Variants in FGFR1 observed in about 807,000 individuals in gnomAD.
The protein encoded by FGFR1 is FGFR1/PLAG1 fusion.
FGFR1 carries 18 observed loss-of-function variants against 93.7 expected under a neutral mutation model. The observed-to-expected ratio is 0.19, with a 90% CI of 0.13 to 0.28. The LOEUF is 0.28. Ranked by LOEUF, FGFR1 falls within the 10% of genes least tolerant of loss-of-function variation. The pLI is 1.00. For missense variants in FGFR1, 731 were observed against 1,080.4 expected (o/e 0.68, Z 4.53); for synonymous variants, 448 against 429.3 (o/e 1.04, Z -0.54).
At chr8:38,416,448 ATT>A (rs57944426) in intron 12 of FGFR1, among the ~76,000 whole-genome samples, 1,199 of 80,846 alleles carry the variant, frequency 0.015, 14 homozygotes, top group African/African-American at 0.054. Context: ...TGCCTGGCTA[ATT>A]TTTTTTTTTT....
chr8:38,421,661 AGG>A (rs751456732), intron 8 of FGFR1, 134 bp downstream of exon 8: 3 of 917,652 alleles, frequency 3.3e-6, no homozygotes, highest in Non-Finnish European at 1.8e-6. Context: ...AAGCTGGGGC[AGG>A]ATGTGGCACC....
At position 38,416,020 on chromosome 8, in the gene FGFR1, G is replaced by A. The variant is rs2150590313; in HGVS notation, c.1704C>T (p.Asn568=). Residue 568 remains asparagine, a synonymous_variant, in exon 13 of 18, where the codon AAC becomes AAT. Coordinates refer to ENST00000447712, the MANE Select transcript of FGFR1 (RefSeq NM_023110.3). ...TCCGGGCCTGCAGGTACTCCCGCAG[G>A]TTGCCCTTGGAGGCATACTCCACGA... ...YVIVEYASKG[N]LREYLQARRP... 1 of 1,613,718 alleles carries A rather than the reference G, an allele frequency of 6.2e-7. No individual in the cohort carries two copies. The highest frequency in any genetic ancestry group is 8.5e-7 in the Non-Finnish European group (1 of 1,179,968).
intron 1 of FGFR1, chr8:38,461,078 G>C (rs1381491389): frequency 2.6e-6 from 4 of 1,536,072 alleles, no homozygotes; most frequent in Non-Finnish European, 8.7e-7. Context: ...ACTCATCAGA[G>C]GGGGCTGAAA....
intron 2 of FGFR1, among the ~76,000 whole-genome samples, chr8:38,436,844 A>G (rs1563545408): frequency 6.6e-6 from 1 of 152,196 alleles, no homozygotes; most frequent in East Asian, 1.9e-4. Context: ...TTTCCCCCCA[A>G]ATACTGCAGG....
chr8:38,418,993 A>T (rs1007778126), intron 9 of FGFR1, among the ~76,000 whole-genome samples: 1 of 152,160 alleles, frequency 6.6e-6, no homozygotes. Flanking sequence ...ACGAGATCTG[A>T]TGATTTTATA....
At chr8:38,442,265 AT>A (rs1451617448) in intron 2 of FGFR1, among the ~76,000 whole-genome samples, 2 of 152,010 alleles carry the variant, frequency 1.3e-5, no homozygotes, top group African/African-American at 4.8e-5. Flanking sequence ...TGCCTTTATT[AT>A]AATATAAATC....
intron 2 of FGFR1, among the ~76,000 whole-genome samples, chr8:38,437,858 C>T (rs1288708070): frequency 1.3e-5 from 2 of 152,202 alleles, no homozygotes; most frequent in African/African-American, 4.8e-5. Context: ...TGAAATACCG[C>T]TTCACCAGCC....
intron 11 of FGFR1, chr8:38,417,633 C>T (rs113872679): frequency 1.7e-4 from 123 of 717,560 alleles, no homozygotes; most frequent in African/African-American, 1.3e-3. Context: ...AGCCTGCAAG[C>T]GATGGATCCA....
chr8:38,428,689 C>G, intron 3 of FGFR1: 3 of 531,480 alleles, frequency 5.6e-6, no homozygotes, highest in Non-Finnish European at 1.0e-5. Context: ...GTCAGCTGTT[C>G]CTATTTAACT....
At chr8:38,415,730 TA>T in intron 13 of FGFR1, 139 bp downstream of exon 13, 1 of 885,562 alleles carries the variant, frequency 1.1e-6, no homozygotes, top group Non-Finnish European at 1.8e-6. Flanking sequence ...CCAGAGAGCC[TA>T]AGACAACACA....
rs777850582 is a variant in FGFR1 at position 38,413,828 on chromosome 8, C to T, written c.2293-24G>A. 6 of 1,613,816 alleles carry T rather than the reference C, an allele frequency of 3.7e-6. No individual in the cohort carries two copies. Among genetic ancestry groups the T allele is most frequent in the Admixed American group, 3.3e-5 (2 of 59,996 alleles). ...TCCTGTGATGGGCGAGAGGAAGCAGCGATGGGCCGGGCCCCTCCTCCCTGC... is the reference window on the plus strand; with the variant it reads ...TCCTGTGATGGGCGAGAGGAAGCAGTGATGGGCCGGGCCCCTCCTCCCTGC... On this transcript the variant is annotated intron_variant, in intron 17 of 17. Coordinates refer to ENST00000447712, the MANE Select transcript of FGFR1 (RefSeq NM_023110.3). This position sits in a 1 kb window ranked among gnomAD's most constrained non-coding sequence, Gnocchi z 4.2.
At chr8:38,434,483 T>C in intron 2 of FGFR1, 1 of 401,834 alleles carries the variant, frequency 2.5e-6, no homozygotes, top group Non-Finnish European at 4.8e-6. Context: ...AGTCAGTGGG[T>C]AGCTTGTGGA....
intron 1 of FGFR1, chr8:38,466,281 G>T: frequency 4.3e-6 from 1 of 232,432 alleles, no homozygotes; most frequent in Non-Finnish European, 8.5e-6. Context: ...GCCACCGCGG[G>T]GCAGCCGAGA....
intron 2 of FGFR1, among the ~76,000 whole-genome samples, chr8:38,437,515 G>A (rs1249450548): frequency 6.6e-6 from 1 of 152,194 alleles, no homozygotes; most frequent in Non-Finnish European, 1.5e-5. Context: ...AAAAGTATCA[G>A]CAGTGAGAGC....
chr8:38,424,837 T>A lies in FGFR1; in HGVS notation c.746-138A>T. The A allele has an allele frequency of 1.2e-6, 1 of 840,536 alleles. No individual in the cohort carries two copies. Among genetic ancestry groups the A allele is most frequent in the Non-Finnish European group, 1.8e-6 (1 of 548,174 alleles). 52.1% of individuals were successfully genotyped at this position (840,536 alleles called of 1,614,324 possible). Reference sequence around the variant, plus strand: ...AGCACTTCTGCTGAGCCCAAGCCTCTCAAAACAGAGCTGGGGAAAGGGACA... The same window carrying A: ...AGCACTTCTGCTGAGCCCAAGCCTCACAAAACAGAGCTGGGGAAAGGGACA... On this transcript the variant is annotated intron_variant, in intron 6 of 17. Coordinates refer to ENST00000447712, the MANE Select transcript of FGFR1 (RefSeq NM_023110.3). The surrounding 1 kb of genome is among the most constrained non-coding windows in gnomAD (Gnocchi z 4.3).
In FGFR1 at chr8:38,424,698, C is replaced by G. The variant is rs1402339930; in HGVS notation, c.747G>C (p.Glu249Asp). The change falls in exon 7 of 18, where the codon GAG (glutamate) becomes GAC (aspartate). Residue 249 changes from glutamate to aspartate, a missense_variant and splice_region_variant. Physicochemically the swap from Glu to Asp is conservative, Grantham distance 45 (BLOSUM62 2). Around this residue, in one of 10 missense-constraint regions of FGFR1, gnomAD observed 109 missense variants for 249.4 expected, o/e 0.44. Coordinates refer to ENST00000447712, the MANE Select transcript of FGFR1 (RefSeq NM_023110.3). This position sits in a 1 kb window ranked among gnomAD's most constrained non-coding sequence, Gnocchi z 4.3. The stretch of plus-strand genomic sequence containing the variant: ...GCAGGATGGGCCGGTGAGGGGACCG[C>G]TCTGTGGAAGATGGGAGAGGAGGCA... ...INHTYQLDVV[E>D]RSPHRPILQA... The G allele has an allele frequency of 1.2e-6, 2 of 1,610,082 alleles. No individual in the cohort carries two copies. Among genetic ancestry groups the G allele is most frequent in the Non-Finnish European group, 1.7e-6 (2 of 1,176,782 alleles).
Position 38,457,543 on chromosome 8 carries a change from A to G in FGFR1, c.-88-9T>C. 1 of 1,572,590 alleles carries G rather than the reference A, an allele frequency of 6.4e-7. No individual in the cohort carries two copies. The highest frequency in any genetic ancestry group is 8.6e-7 in the Non-Finnish European group (1 of 1,160,660). On this transcript the variant is annotated splice_polypyrimidine_tract_variant and intron_variant, in intron 1 of 17. Coordinates refer to ENST00000447712, the MANE Select transcript of FGFR1 (RefSeq NM_023110.3). Reference sequence around the variant, plus strand: ...TCCTTTTCAAACTGACCCTGAGGAAAGGAAAAAAACCCCAAAAGTTAGGAG... The same window carrying G: ...TCCTTTTCAAACTGACCCTGAGGAAGGGAAAAAAACCCCAAAAGTTAGGAG...
chr8:38,464,981 C>T (rs1835190684), intron 1 of FGFR1, among the ~76,000 whole-genome samples: 3 of 152,170 alleles, frequency 2.0e-5, no homozygotes, highest in Admixed American at 1.3e-4. Context: ...AAAGAGCACA[C>T]CACTAAAAGC....
In FGFR1 at chr8:38,446,178, A is replaced by T. The variant is rs202150759; in HGVS notation, c.91+11178T>A. On this transcript the variant is annotated intron_variant, in intron 2 of 17. Transcript: ENST00000447712. The stretch of plus-strand genomic sequence containing the variant: ...ATCCTTCTCCTCCCCCATGCCTCCA[A>T]GGCAAACTGACTCAGCCCTCTCCCA... Among the ~76,000 whole-genome samples, 6 of 150,160 alleles carry T rather than the reference A, an allele frequency of 4.0e-5. No individual in the cohort carries two copies. In the East Asian group the frequency reaches 1.2e-3, roughly 30 times the overall value.
Sources: gnomAD v4.1 joint callset for allele counts (sites outside exome capture counted in the v4.1 genomes callset) on GRCh38, gnomAD v4.1.1 for gene constraint, gnomAD v4.1.1 regional missense constraint, Gnocchi (gnomAD v3.1) non-coding constraint, MANE v1.5 for transcripts, NCBI Gene and HGNC (gene_info 2026-07-23, HGNC 2026-07-21) for gene names.